The following PIK3C2G variants were observed in gnomAD, a reference collection of about 807,000 sequenced individuals.
The protein encoded by PIK3C2G is phosphatidylinositol 3-kinase C2 domain-containing subunit gamma.
PIK3C2G carries 168 observed loss-of-function variants against 181.1 expected under a neutral mutation model. The observed-to-expected ratio is 0.93, with a 90% CI of 0.82 to 1.05. The LOEUF is 1.05. Ranked by LOEUF, PIK3C2G falls within the 50% of genes least tolerant of loss-of-function variation. The pLI is 0.00. For missense variants in PIK3C2G, 1,869 were observed against 1,732.8 expected (o/e 1.08, Z -1.40); for synonymous variants, 573 against 592.2 (o/e 0.97, Z 0.47).
intron 31 of PIK3C2G, among the ~76,000 whole-genome samples, chr12:18,620,569 G>GATAGATAGATA (rs374383541): frequency 6.9e-6 from 1 of 144,558 alleles, no homozygotes; most frequent in Admixed American, 6.7e-5. Flanking sequence ...TAGATAGATA[G>GATAGATAGATA]GTAACCATAC....
At chr12:18,660,741 T>C in the PIK3C2G span, among the ~76,000 whole-genome samples, 60,081 of 151,856 alleles carry the variant, frequency 0.4, 14,038 homozygotes, top group South Asian at 0.59. Flanking sequence ...TTCATATATA[T>C]AGCTTTCAAC....
intron 30 of PIK3C2G, among the ~76,000 whole-genome samples, chr12:18,596,306 T>C (rs1039177973): frequency 6.6e-6 from 1 of 152,034 alleles, no homozygotes. Context: ...AAGTTATCAC[T>C]TGGAATAAAA....
chr12:18,650,186 G>A (rs1950356337), downstream of PIK3C2G, among the ~76,000 whole-genome samples: 1 of 151,738 alleles, frequency 6.6e-6, no homozygotes, highest in South Asian at 2.1e-4. Flanking sequence ...GAAAATATTA[G>A]GGTTCTTTTC....
chr12:18,688,514 T>G, the PIK3C2G span, among the ~76,000 whole-genome samples: 4 of 151,886 alleles, frequency 2.6e-5, no homozygotes, highest in African/African-American at 9.7e-5. Flanking sequence ...TTCAGGGAAT[T>G]CAGGTCGAGT....
rs57318594 is a variant in PIK3C2G, at chr12:18,354,602, C to T, written c.1625+7766C>T. Among the ~76,000 whole-genome samples, 481 of 152,300 alleles carry T rather than the reference C, an allele frequency of 3.2e-3. 3 individuals carry two copies. Among genetic ancestry groups the T allele is most frequent in the African/African-American group, 0.011 (470 of 41,578 alleles). ...TGCATTTACAGAAAAGTTCCAACTG[C>T]CAGATGATATCAAAATGAATGGTTC... On this transcript the variant is annotated intron_variant, in intron 11 of 32. Transcript: ENST00000538779.
chr12:18,520,470 C>T (rs1433409769), intron 24 of PIK3C2G, among the ~76,000 whole-genome samples: 1 of 152,096 alleles, frequency 6.6e-6, no homozygotes, highest in Admixed American at 6.6e-5. Flanking sequence ...AGATAGTCTT[C>T]AAACTCTGAT....
chr12:18,362,687 C>CA, intron 11 of PIK3C2G, 77 bp from the exon 12 acceptor site: 1 of 1,072,072 alleles, frequency 9.3e-7, no homozygotes, highest in South Asian at 1.8e-5. Context: ...CTTTTGACTA[C>CA]AAAAATAATT....
At chr12:18,487,734 G>A (rs1433736201) in intron 18 of PIK3C2G, among the ~76,000 whole-genome samples, 1 of 152,126 alleles carries the variant, frequency 6.6e-6, no homozygotes, top group East Asian at 1.9e-4. Flanking sequence ...GCTGACTTGG[G>A]AAGGCTATGA....
intron 1 of PIK3C2G, among the ~76,000 whole-genome samples, chr12:18,268,141 G>C (rs4385947): frequency 6.6e-6 from 1 of 151,972 alleles, no homozygotes; most frequent in Admixed American, 6.5e-5. Context: ...ACAAAGCAAG[G>C]GCCAGCCAGT....
At chr12:18,331,071 C>A (rs918948823) in intron 8 of PIK3C2G, among the ~76,000 whole-genome samples, 1 of 152,036 alleles carries the variant, frequency 6.6e-6, no homozygotes, top group South Asian at 2.1e-4. Flanking sequence ...TAGTTCTAGA[C>A]CCCCTGTTCT....
chr12:18,396,540 A>G (rs1172371034), intron 15 of PIK3C2G, among the ~76,000 whole-genome samples: 1 of 151,682 alleles, frequency 6.6e-6, no homozygotes, highest in African/African-American at 2.4e-5. Flanking sequence ...TTAAGGTAAA[A>G]ATTAAAAAGA....
chr12:18,423,674 G>A (rs533974663), intron 17 of PIK3C2G, among the ~76,000 whole-genome samples: 2 of 152,032 alleles, frequency 1.3e-5, no homozygotes, highest in South Asian at 4.2e-4. Context: ...ATTCTCCCCT[G>A]GTACATGGTT....
At chr12:18,685,494 C>T in the PIK3C2G span, 1 of 218,948 alleles carries the variant, frequency 4.6e-6, no homozygotes, top group African/African-American at 2.3e-5. Context: ...ACTTACATTT[C>T]CAGAAGCACT....
At chr12:18,343,287 G>A (rs181244082) in intron 9 of PIK3C2G, 40 bp from the exon 10 acceptor site, 20 of 1,090,864 alleles carry the variant, frequency 1.8e-5, no homozygotes, top group Non-Finnish European at 2.7e-5. Flanking sequence ...TTGTGAATTT[G>A]TTGTGCGAAT....
downstream of PIK3C2G, among the ~76,000 whole-genome samples, chr12:18,650,359 G>A (rs879714100): frequency 0.098 from 13,894 of 141,796 alleles, 889 homozygotes; most frequent in African/African-American, 0.15. Context: ...GTGTGTGTGT[G>A]TGTGTGTGTG....
intron 25 of PIK3C2G, 74 bp downstream of exon 25, chr12:18,538,386 T>A: frequency 1.5e-6 from 2 of 1,348,700 alleles, no homozygotes; most frequent in Non-Finnish European, 1.0e-6. Context: ...CTATTTTTAC[T>A]AATGGCTTGG....
intron 1 of PIK3C2G, among the ~76,000 whole-genome samples, chr12:18,264,241 A>G (rs1258339575): frequency 2.6e-5 from 4 of 152,180 alleles, no homozygotes; most frequent in African/African-American, 9.6e-5. Context: ...ACATAGTATT[A>G]TAGTCTAGTA....
intron 29 of PIK3C2G, among the ~76,000 whole-genome samples, chr12:18,588,650 A>G (rs1225090514): frequency 2.0e-5 from 3 of 152,160 alleles, no homozygotes; most frequent in African/African-American, 7.2e-5. Context: ...TTGGGAGTGT[A>G]AATTAGTCCA....
At chr12:18,650,507 AAAATT>A (rs918632131), downstream of PIK3C2G, among the ~76,000 whole-genome samples, 25 of 150,400 alleles carry the variant, frequency 1.7e-4, no homozygotes, top group African/African-American at 6.1e-4. Context: ...TGTATGAAAA[AAAATT>A]AAGCTATTTT....
Sources: gnomAD v4.1 joint callset for allele counts (sites outside exome capture counted in the v4.1 genomes callset) on GRCh38, gnomAD v4.1.1 for gene constraint, MANE v1.5 for transcripts, NCBI Gene and HGNC (gene_info 2026-07-23, HGNC 2026-07-21) for gene names.